The following RP1 variants were observed in gnomAD, a reference collection of about 807,000 sequenced individuals.
The protein encoded by RP1 is oxygen-regulated protein 1.
Under a neutral mutation model 14.8 loss-of-function variants are expected in RP1, and 16 were observed. The observed-to-expected ratio is 1.08, with a 90% confidence interval of 0.73 to 1.65. The LOEUF (loss-of-function observed/expected upper bound fraction) is 1.65. Ranked by LOEUF, RP1 falls within the 40% of genes most tolerant of loss-of-function variation. The pLI is 0.00. For synonymous variants in RP1, 876 were observed against 883.6 expected (o/e 0.99, Z 0.15); for missense variants, 2,631 against 2,535.0 (o/e 1.04, Z -0.81).
At chr8:54,794,165 C>T (rs368372450) in intron 24 of RP1, among the ~76,000 whole-genome samples, 1 of 151,064 alleles carries the variant, frequency 6.6e-6, no homozygotes, top group Non-Finnish European at 1.5e-5. Flanking sequence ...CAGTGAAATT[C>T]CTATCAAAAT....
chr8:54,787,001 T>A (rs1407679019), intron 24 of RP1, among the ~76,000 whole-genome samples: 1 of 152,122 alleles, frequency 6.6e-6, no homozygotes, highest in South Asian at 2.1e-4. Flanking sequence ...CAATGAAGGG[T>A]AACTGTAATA....
At chr8:54,576,280 C>T (rs1223431493) in intron 1 of RP1, among the ~76,000 whole-genome samples, 2 of 152,082 alleles carry the variant, frequency 1.3e-5, no homozygotes, top group African/African-American at 4.8e-5. Context: ...CTCCTGACTT[C>T]GTGATCCGCC....
At chr8:54,712,589 T>C (rs1274954453) in intron 15 of RP1, among the ~76,000 whole-genome samples, 2 of 152,184 alleles carry the variant, frequency 1.3e-5, no homozygotes, top group South Asian at 2.1e-4. Flanking sequence ...TCAGAAAATA[T>C]TGATTTTTAA....
intron 24 of RP1, among the ~76,000 whole-genome samples, chr8:54,829,659 T>A (rs1425345491): frequency 7.3e-6 from 1 of 136,334 alleles, no homozygotes; most frequent in Non-Finnish European, 1.7e-5. Flanking sequence ...ATATCTATGA[T>A]CATTCCAAAA....
chr8:54,846,593 T>C (rs1258748878), intron 25 of RP1, among the ~76,000 whole-genome samples: 2 of 152,234 alleles, frequency 1.3e-5, no homozygotes, highest in Non-Finnish European at 2.9e-5. Context: ...TTGTTGCTAC[T>C]GATGGTGGAA....
intron 15 of RP1, among the ~76,000 whole-genome samples, chr8:54,718,866 T>C (rs1197729538): frequency 6.6e-6 from 1 of 152,144 alleles, no homozygotes; most frequent in African/African-American, 2.4e-5. Flanking sequence ...AGATGAAGCA[T>C]AGGGGATCTT....
At position 54,824,059 on chromosome 8, in the gene RP1, T is replaced by C. The variant is rs115245789; in HGVS notation, c.3616-13391T>C. The stretch of plus-strand genomic sequence containing the variant: ...TGCAAAACATCTTTTCATATGCTTA[T>C]TTGCCATCCATACATCCTCTTTGGT... On this transcript the variant is annotated intron_variant, in intron 24 of 28. Transcript: ENST00000637698. Among the ~76,000 whole-genome samples, 738 of 152,296 alleles carry C rather than the reference T, an allele frequency of 4.8e-3. 6 individuals are homozygous for C. Among genetic ancestry groups the C allele is most frequent in the African/African-American group, 0.017 (694 of 41,566 alleles).
intron 24 of RP1, among the ~76,000 whole-genome samples, chr8:54,784,251 A>G (rs149270805): frequency 6.6e-6 from 1 of 152,260 alleles, no homozygotes; most frequent in Non-Finnish European, 1.5e-5. Context: ...AATAATCTTT[A>G]CTTCGTAGGG....
chr8:54,582,816 A>G (rs1804827949), intron 1 of RP1, among the ~76,000 whole-genome samples: 1 of 152,140 alleles, frequency 6.6e-6, no homozygotes, highest in Non-Finnish European at 1.5e-5. Flanking sequence ...TTATTGGTGT[A>G]TAGGAATGCT....
At chr8:54,670,671 T>TATATATA (rs1807154628) in intron 7 of RP1, among the ~76,000 whole-genome samples, 1 of 62,566 alleles carries the variant, frequency 1.6e-5, no homozygotes, top group Non-Finnish European at 2.9e-5. Flanking sequence ...ATATATGTTT[T>TATATATA]TATATATATA....
At chr8:54,717,186 C>T (rs546492226) in intron 15 of RP1, among the ~76,000 whole-genome samples, 1 of 152,302 alleles carries the variant, frequency 6.6e-6, no homozygotes, top group Non-Finnish European at 1.5e-5. Context: ...CATTTTCTCT[C>T]TCAATAAACT....
At chr8:54,644,559 T>G (rs1806509803) in intron 3 of RP1, among the ~76,000 whole-genome samples, 1 of 152,190 alleles carries the variant, frequency 6.6e-6, no homozygotes, top group Non-Finnish European at 1.5e-5. Flanking sequence ...AGATGGCTGA[T>G]TGGATCAGTG....
chr8:54,723,611 A>C (rs1201994960), intron 16 of RP1, among the ~76,000 whole-genome samples: 1 of 152,176 alleles, frequency 6.6e-6, no homozygotes, highest in Non-Finnish European at 1.5e-5. Context: ...ATTAGTTATT[A>C]TACTGAGCCC....
intron 1 of RP1, among the ~76,000 whole-genome samples, chr8:54,597,611 T>C (rs888812730): frequency 3.9e-5 from 6 of 152,166 alleles, no homozygotes; most frequent in Non-Finnish European, 1.5e-5. Context: ...AATGTTGTCA[T>C]GATTACTTGC....
At chr8:54,781,100 T>C (rs1328739693) in intron 23 of RP1, 4 of 918,972 alleles carry the variant, frequency 4.4e-6, no homozygotes, top group African/African-American at 3.6e-5. Context: ...AATTTCCTTT[T>C]ATCTACAGTA....
intron 24 of RP1, among the ~76,000 whole-genome samples, chr8:54,821,556 A>G (rs1811256774): frequency 6.6e-6 from 1 of 152,246 alleles, no homozygotes; most frequent in African/African-American, 2.4e-5. Flanking sequence ...GATATGTAGA[A>G]AGCAGGTACA....
At chr8:54,747,123 T>TC (rs2129362359) in intron 19 of RP1, among the ~76,000 whole-genome samples, 1 of 152,324 alleles carries the variant, frequency 6.6e-6, no homozygotes, top group South Asian at 2.1e-4. Context: ...TGCATTTTTT[T>TC]CTCTTCTCTC....
chr8:54,779,699 G>C (rs951855805), intron 23 of RP1, among the ~76,000 whole-genome samples: 2 of 152,138 alleles, frequency 1.3e-5, no homozygotes, highest in Non-Finnish European at 2.9e-5. Context: ...CAATTGATAA[G>C]AAAACATTGG....
chr8:54,799,458 C>T (rs1810650052), intron 24 of RP1, among the ~76,000 whole-genome samples: 1 of 151,952 alleles, frequency 6.6e-6, no homozygotes, highest in Non-Finnish European at 1.5e-5. Flanking sequence ...TGTCATTTCA[C>T]TATGTTTAGA....
Sources: allele counts gnomAD v4.1 joint callset (sites outside exome capture counted in the v4.1 genomes callset), GRCh38; gene constraint gnomAD v4.1.1; transcripts MANE v1.5; gene names NCBI Gene and HGNC (gene_info 2026-07-23, HGNC 2026-07-21).